CYB561D1: variants seen among roughly 807,000 people sequenced by gnomAD.
CYB561D1 encodes probable transmembrane reductase CYB561D1.
A neutral mutation model predicts 19.2 loss-of-function variants in CYB561D1; 15 were observed. The observed-to-expected ratio is 0.78, with a 90% CI of 0.52 to 1.20. The LOEUF (loss-of-function observed/expected upper bound fraction) is 1.20, where lower values mean the gene tolerates loss of function less well. Among genes scored for constraint, CYB561D1 ranks in the 50% most tolerant of loss-of-function variants. The pLI is 0.00. For missense variants in CYB561D1, 297 were observed against 287.3 expected (o/e 1.03, Z -0.24); for synonymous variants, 133 against 120.6 (o/e 1.10, Z -0.68).
rs1056395693 is a variant in CYB561D1 at position 109,497,184 on chromosome 1, C to T, written c.*925C>T. ...CAGGGCCTGCGTGCGCTCCCTCCCC[C>T]GAAATCACTTCTCAGGGCAAAGGAG... is the stretch of plus-strand genomic sequence containing the variant. On this transcript the variant is annotated 3_prime_UTR_variant, in exon 3 of 3. Transcript: ENST00000420578. 6.6e-6 allele frequency: 1 copy of T among 152,592 alleles called. No homozygotes were observed. The highest frequency in any genetic ancestry group is 1.5e-5 in the Non-Finnish European group (1 of 68,070). The allele number at this position is 152,592 out of a possible 1,614,324, so 9.5% of individuals were successfully genotyped here. A position where few individuals can be genotyped will look rare whatever the true frequency, so the allele number is the denominator to read the frequency against.
rs1333298822 is a variant in CYB561D1 at position 109,497,841 on chromosome 1, A to C, written c.*1582A>C. On this transcript the variant is annotated 3_prime_UTR_variant, in exon 3 of 3. Transcript: ENST00000420578. ...GTTTGATTCAATAGTATGGGGACAG[A>C]ATGGGGACAGCAAGGGCAGAAGTGT... is the stretch of plus-strand genomic sequence containing the variant. The C allele has an allele frequency of 1.3e-5, 2 of 148,178 alleles. No individual in the cohort carries two copies. The highest frequency in any genetic ancestry group is 3.0e-5 in the Non-Finnish European group (2 of 66,622). The allele number at this position is 148,178 out of a possible 1,614,324, so 9.2% of individuals were successfully genotyped here.
rs1017719295 is a variant in CYB561D1 at position 109,494,227 on chromosome 1, G to A, written c.88G>A (p.Ala30Thr). 1.3e-6 allele frequency: 2 copies of A among 1,572,846 alleles called. No homozygotes were observed. The highest frequency in any genetic ancestry group is 1.7e-6 in the Non-Finnish European group (2 of 1,159,018). Reference sequence around the variant, plus strand: ...GCTGCGGAGAGGCAGTGGGATCTTGGCGCACCTGGTAGCTTTGGGCTTCAC... The same window carrying A: ...GCTGCGGAGAGGCAGTGGGATCTTGACGCACCTGGTAGCTTTGGGCTTCAC... ...RWLRRGSGIL[A>T]HLVALGFTIF... is the part of the protein sequence containing the mutation. Residue 30 changes from alanine to threonine, a missense_variant, in exon 1 of 3, where the codon GCG (alanine) becomes ACG (threonine). Transcript: ENST00000420578.
intron 1 of CYB561D1, among the ~76,000 whole-genome samples, 159 bp from the exon 2 acceptor site, chr1:109,494,984 C>G (rs1657437671): frequency 6.6e-6 from 1 of 152,236 alleles, no homozygotes; most frequent in Non-Finnish European, 1.5e-5. Flanking sequence ...GTTGCTCACC[C>G]TGGGGCTCCT....
chr1:109,494,285 C>A lies in CYB561D1; in HGVS notation c.146C>A (p.Thr49Asn). ...IFLTALSRPG[T>N]SLFSWHPVFM... is the part of the protein sequence containing the mutation. ...CTGACAGCGCTGTCCCGGCCAGGAACCAGTGAGTGTGCGGGGCGGGGTTGC... is the reference window on the plus strand; with the variant it reads ...CTGACAGCGCTGTCCCGGCCAGGAAACAGTGAGTGTGCGGGGCGGGGTTGC... The change falls in exon 1 of 3, where the codon ACC becomes AAC. Residue 49 changes from threonine to asparagine, a missense_variant and splice_region_variant. Coordinates refer to ENST00000420578, the MANE Select transcript of CYB561D1 (RefSeq NM_182580.3). The A allele has an allele frequency of 6.3e-7, 1 of 1,584,474 alleles. No individual in the cohort carries two copies. The highest frequency in any genetic ancestry group is 1.1e-5 in the South Asian group (1 of 87,044).
chr1:109,494,528 C>T (rs1443292675), intron 1 of CYB561D1: 2 of 1,511,238 alleles, frequency 1.3e-6, no homozygotes, highest in African/African-American at 1.4e-5. Context: ...AGAAACAGGT[C>T]CCCTGATGGA....
chr1:109,494,231 A>C lies in CYB561D1; in HGVS notation c.92A>C (p.His31Pro), dbSNP rs1214056978. 4 of 1,575,422 alleles carry C rather than the reference A, an allele frequency of 2.5e-6. No homozygotes were observed. Among genetic ancestry groups the C allele is most frequent in the Non-Finnish European group, 2.6e-6 (3 of 1,160,344 alleles). ...WLRRGSGILAHLVALGFTIFL... is the reference protein window; with the variant it reads ...WLRRGSGILAPLVALGFTIFL... ...CGGAGAGGCAGTGGGATCTTGGCGC[A>C]CCTGGTAGCTTTGGGCTTCACCATC... Residue 31 changes from histidine (H) to proline (P), a missense_variant, in exon 1 of 3, where the codon CAC becomes CCC. Physicochemically the swap from His to Pro is moderately conservative, Grantham distance 77. Transcript: ENST00000420578.
rs1275451598 is a variant in CYB561D1, at chr1:109,496,815, A to T, written c.*556A>T. On this transcript the variant is annotated 3_prime_UTR_variant, in exon 3 of 3. Transcript: ENST00000420578. Reference sequence around the variant, plus strand: ...GCGTCTGTCAGGTCGATGTCTCAGAACACTCTCCCAGCTGTGGACCACGTG... The same window carrying T: ...GCGTCTGTCAGGTCGATGTCTCAGATCACTCTCCCAGCTGTGGACCACGTG... 1 of 152,446 alleles carries T rather than the reference A, an allele frequency of 6.6e-6. No individual in the cohort carries two copies. Among genetic ancestry groups the T allele is most frequent in the Non-Finnish European group, 1.5e-5 (1 of 68,156 alleles). The allele number at this position is 152,446 out of a possible 1,614,324, so 9.4% of individuals were successfully genotyped here.
intron 1 of CYB561D1, chr1:109,494,716 A>C: frequency 1.7e-6 from 1 of 589,408 alleles, no homozygotes; most frequent in Non-Finnish European, 2.6e-6. Flanking sequence ...GCGCGCCTGT[A>C]GTTCCAGCTA....
In CYB561D1 at chr1:109,496,648, C is replaced by T. The variant is rs562793039; in HGVS notation, c.*389C>T. On this transcript the variant is annotated 3_prime_UTR_variant, in exon 3 of 3. Transcript: ENST00000420578. ...AAGCAGTGTGATGTAGTGGAGAGAG[C>T]CCATGGGTCTTATTTATGGGATATG... The T allele has an allele frequency of 1.8e-5, 3 of 168,844 alleles. No homozygotes were observed. In the South Asian group the frequency reaches 5.1e-4, roughly 29 times the overall value. The allele number at this position is 168,844 out of a possible 1,614,324, so 10.5% of individuals were successfully genotyped here. A position where few individuals can be genotyped will look rare whatever the true frequency, so the allele number is the denominator to read the frequency against.
rs761827090 is a variant in CYB561D1 at position 109,496,108 on chromosome 1, C to T, written c.539C>T (p.Thr180Met). The T allele has an allele frequency of 1.5e-5, 25 of 1,614,084 alleles. No individual in the cohort carries two copies. In the East Asian group the frequency reaches 2.0e-4, roughly 13 times the overall value. Residue 180 changes from threonine to methionine, a missense_variant, in exon 3 of 3, where the codon ACG (threonine) becomes ATG (methionine). By Grantham distance (81) the Thr-to-Met change is moderately conservative. Coordinates refer to ENST00000420578, the MANE Select transcript of CYB561D1 (RefSeq NM_182580.3). ...GLVVYLMATV[T>M]VLLGMYSVWF... is the part of the protein sequence containing the mutation. Reference sequence around the variant, plus strand: ...GTGGTCTACCTGATGGCTACAGTAACGGTGCTTCTGGGCATGTACTCAGTA... The same window carrying T: ...GTGGTCTACCTGATGGCTACAGTAATGGTGCTTCTGGGCATGTACTCAGTA...
At position 109,495,134 on chromosome 1, in the gene CYB561D1, G is replaced by A; in HGVS notation, c.149-9G>A. The A allele has an allele frequency of 6.2e-7, 1 of 1,614,160 alleles. No homozygotes were observed. The highest frequency in any genetic ancestry group is 8.5e-7 in the Non-Finnish European group (1 of 1,180,018). On this transcript the variant is annotated splice_polypyrimidine_tract_variant and intron_variant, in intron 1 of 2. Transcript: ENST00000420578. ...ACCAAGCCCTCAGCCTGTTCTCTTTGATTCTTAGGTCTTTTCTCCTGGCAC... is the reference window on the plus strand; with the variant it reads ...ACCAAGCCCTCAGCCTGTTCTCTTTAATTCTTAGGTCTTTTCTCCTGGCAC...
At chr1:109,494,450 C>T in intron 1 of CYB561D1, 163 bp downstream of exon 1, 2 of 1,548,278 alleles carry the variant, frequency 1.3e-6, no homozygotes, top group Non-Finnish European at 1.7e-6. Context: ...CCCAGGGATC[C>T]TGGAATAATG....
rs991564108 is a variant in CYB561D1 at position 109,496,102 on chromosome 1, C to T, written c.533C>T (p.Thr178Ile). 10 of 1,614,204 alleles carry T rather than the reference C, an allele frequency of 6.2e-6. No homozygotes were observed. The highest frequency in any genetic ancestry group is 8.5e-6 in the Non-Finnish European group (10 of 1,180,018). Reference protein sequence around the residue: ...TCGLVVYLMATVTVLLGMYSV... With the variant: ...TCGLVVYLMAIVTVLLGMYSV... ...GGACTGGTGGTCTACCTGATGGCTA[C>T]AGTAACGGTGCTTCTGGGCATGTAC... Residue 178 changes from threonine (T) to isoleucine (I), a missense_variant, in exon 3 of 3, where the codon ACA (threonine) becomes ATA (isoleucine). Thr to Ile is a moderately conservative substitution (Grantham distance 89). Coordinates refer to ENST00000420578, the MANE Select transcript of CYB561D1 (RefSeq NM_182580.3).
In CYB561D1 at chr1:109,499,125, T is replaced by C. The variant is rs898843709; in HGVS notation, c.*2866T>C. On this transcript the variant is annotated 3_prime_UTR_variant, in exon 3 of 3. Transcript: ENST00000420578. ...CCGTCTTTTCTGTAACCACCCCTCCTCTGAGCCCCATCATGGCTGGGGTTG... is the reference window on the plus strand; with the variant it reads ...CCGTCTTTTCTGTAACCACCCCTCCCCTGAGCCCCATCATGGCTGGGGTTG... The C allele has an allele frequency of 6.6e-6, 1 of 152,120 alleles. No homozygotes were observed. Among genetic ancestry groups the C allele is most frequent in the Non-Finnish European group, 1.5e-5 (1 of 68,016 alleles). The allele number at this position is 152,120 out of a possible 1,614,324, so 9.4% of individuals were successfully genotyped here. A position where few individuals can be genotyped will look rare whatever the true frequency, so the allele number is the denominator to read the frequency against.
Position 109,494,240 on chromosome 1 carries a change from C to G in CYB561D1, c.101C>G (p.Ala34Gly). ...AGTGGGATCTTGGCGCACCTGGTAG[C>G]TTTGGGCTTCACCATCTTTCTGACA... is the stretch of plus-strand genomic sequence containing the variant. ...RGSGILAHLV[A>G]LGFTIFLTAL... The change falls in exon 1 of 3, where the codon GCT becomes GGT. Residue 34 changes from alanine to glycine, a missense_variant. Transcript: ENST00000420578. The G allele has an allele frequency of 1.3e-6, 2 of 1,581,028 alleles. No homozygotes were observed. Among genetic ancestry groups the G allele is most frequent in the East Asian group, 4.6e-5 (2 of 43,100 alleles).
At position 109,494,313 on chromosome 1, in the gene CYB561D1, A is replaced by G. The variant is rs774747154; in HGVS notation, c.148+26A>G. The G allele has an allele frequency of 6.4e-6, 10 of 1,558,510 alleles. No individual in the cohort carries two copies. The Admixed American group carries it at 1.9e-4, about 29-fold the overall frequency. Reference sequence around the variant, plus strand: ...GTGAGTGTGCGGGGCGGGGTTGCGGAAGGGGGCGGAGTGGAGATGCTGGAG... The same window carrying G: ...GTGAGTGTGCGGGGCGGGGTTGCGGGAGGGGGCGGAGTGGAGATGCTGGAG... On this transcript the variant is annotated intron_variant, in intron 1 of 2. Transcript: ENST00000420578.
At position 109,498,589 on chromosome 1, in the gene CYB561D1, T is replaced by C. The variant is rs1306455503; in HGVS notation, c.*2330T>C. 6.6e-6 allele frequency: 1 copy of C among 152,204 alleles called. No homozygotes were observed. Among genetic ancestry groups the C allele is most frequent in the African/African-American group, 2.4e-5 (1 of 41,426 alleles). 9.4% of individuals were successfully genotyped at this position (152,204 alleles called of 1,614,324 possible). ...TGCCCTCACATCCTGGGGCAGCAGC[T>C]GGACAGCCATTAGACCTCAGTGCCA... On this transcript the variant is annotated 3_prime_UTR_variant, in exon 3 of 3. Coordinates refer to ENST00000420578, the MANE Select transcript of CYB561D1 (RefSeq NM_182580.3).
At position 109,496,331 on chromosome 1, in the gene CYB561D1, G is replaced by C; in HGVS notation, c.*72G>C. The C allele has an allele frequency of 6.7e-7, 1 of 1,495,770 alleles. No individual in the cohort carries two copies. Among genetic ancestry groups the C allele is most frequent in the Non-Finnish European group, 9.0e-7 (1 of 1,116,036 alleles). 92.7% of individuals were successfully genotyped at this position (1,495,770 alleles called of 1,614,324 possible). A position where few individuals can be genotyped will look rare whatever the true frequency, so the allele number is the denominator to read the frequency against. On this transcript the variant is annotated 3_prime_UTR_variant, in exon 3 of 3. Transcript: ENST00000420578. ...ATGGTTCCTTTGGTGATCTATAAGG[G>C]ATCTATTTAAGAAGTGGTCAGGTTT...
chr1:109,496,211 G>A lies in CYB561D1; in HGVS notation c.642G>A (p.Met214Ile), dbSNP rs760918815. 2 of 1,581,336 alleles carry A rather than the reference G, an allele frequency of 1.3e-6. No homozygotes were observed. The highest frequency in any genetic ancestry group is 2.3e-5 in the East Asian group (1 of 44,092). The change falls in exon 3 of 3, where the codon ATG (methionine) becomes ATA (isoleucine). Residue 214 changes from methionine (M) to isoleucine (I), a missense_variant. By Grantham distance (10) the Met-to-Ile change is conservative. Transcript: ENST00000420578. ...ALPVYPALVIMHQISRSYLPR... is the reference protein window; with the variant it reads ...ALPVYPALVIIHQISRSYLPR... ...CCGTCTATCCAGCCCTGGTGATCAT[G>A]CACCAGATTTCCAGATCCTACTTGC... is the stretch of plus-strand genomic sequence containing the variant.
Sources: gnomAD v4.1 joint callset for allele counts (sites outside exome capture counted in the v4.1 genomes callset) on GRCh38, gnomAD v4.1.1 for gene constraint, MANE v1.5 for transcripts, NCBI Gene and HGNC (gene_info 2026-07-23, HGNC 2026-07-21) for gene names.